PRKG1: variants seen among roughly 807,000 people sequenced by gnomAD.
The protein encoded by PRKG1 is cGMP-dependent protein kinase 1.
In PRKG1, 35 loss-of-function variants were observed where a neutral mutation model predicts 88.1. The ratio of observed to expected loss-of-function variants is 0.40; its 90% CI spans 0.30 to 0.53. The LOEUF (loss-of-function observed/expected upper bound fraction) is 0.53, where lower values mean the gene tolerates loss of function less well. Ranked by LOEUF, PRKG1 falls within the 20% of genes least tolerant of loss-of-function variation. The pLI is 0.59. For missense variants in PRKG1, 540 were observed against 839.8 expected, an observed-to-expected ratio of 0.64 and a Z score of 4.41; for synonymous variants, 303 against 292.5, an observed-to-expected ratio of 1.04 and a Z score of -0.37.
intron 1 of PRKG1, among the ~76,000 whole-genome samples, 189 bp from the exon 2 acceptor site, chr10:51,152,975 C>A (rs1168330167): frequency 7.6e-6 from 1 of 131,276 alleles, no homozygotes. Flanking sequence ...ATTCTTAGTG[C>A]CTTTTTTTTT....
intron 4 of PRKG1, among the ~76,000 whole-genome samples, chr10:51,872,861 G>A (rs548873843): frequency 2.0e-5 from 3 of 151,974 alleles, no homozygotes; most frequent in African/African-American, 4.8e-5. Context: ...ATTTCATAGG[G>A]TACCTATTTT....
chr10:51,016,673 C>CTTTTTTTTTTTTTTTTTTTTTT (rs71029341), intron 1 of PRKG1, among the ~76,000 whole-genome samples: 648 of 35,138 alleles, frequency 0.018, 194 homozygotes, highest in Middle Eastern at 0.048. Flanking sequence ...ATTATCCTTT[C>CTTTTTTTTTTTTTTTTTTTTTT]TTTTTTTTTT....
chr10:51,677,468 AT>A (rs1349040160), intron 3 of PRKG1, among the ~76,000 whole-genome samples: 3 of 152,124 alleles, frequency 2.0e-5, no homozygotes, highest in Non-Finnish European at 4.4e-5. Flanking sequence ...AAAGTTTGGG[AT>A]TTCTATTGTC....
intron 3 of PRKG1, among the ~76,000 whole-genome samples, chr10:51,529,676 GAC>G (rs371364810): frequency 2.0e-5 from 3 of 147,064 alleles, no homozygotes; most frequent in Non-Finnish European, 3.0e-5. Flanking sequence ...TAGCAATACA[GAC>G]ACACACACAC....
intron 3 of PRKG1, among the ~76,000 whole-genome samples, chr10:51,722,228 CAA>C (rs58364400): frequency 6.0e-5 from 8 of 133,634 alleles, no homozygotes; most frequent in Non-Finnish European, 3.2e-5. Context: ...GACTCTATCT[CAA>C]AAAAAAAAAA....
At chr10:52,138,552 A>G (rs1837490544) in intron 8 of PRKG1, among the ~76,000 whole-genome samples, 1 of 152,014 alleles carries the variant, frequency 6.6e-6, no homozygotes, top group Non-Finnish European at 1.5e-5. Flanking sequence ...GGACCCTAGA[A>G]GACACTAAGA....
chr10:52,013,273 G>T (rs12219323), intron 5 of PRKG1, among the ~76,000 whole-genome samples: 37,961 of 152,012 alleles, frequency 0.25, 5,122 homozygotes, highest in Admixed American at 0.31. Context: ...AAAAAAATTT[G>T]CCAGGCGTGG....
At chr10:51,799,571 T>C (rs1200628033) in intron 3 of PRKG1, among the ~76,000 whole-genome samples, 1 of 151,764 alleles carries the variant, frequency 6.6e-6, no homozygotes, top group African/African-American at 2.4e-5. Flanking sequence ...GAGCTCAGTA[T>C]TGACACTTTA....
rs1564428534 is a variant in PRKG1 at position 52,012,144 on chromosome 10, GT to G, written c.763-42339del. Among the ~76,000 whole-genome samples the G allele has an allele frequency of 3.3e-5, 5 of 152,122 alleles. No homozygotes were observed. The East Asian group carries it at 5.8e-4, about 18-fold the overall frequency. On this transcript the variant is annotated intron_variant, in intron 5 of 17. Coordinates refer to ENST00000373980, the MANE Select transcript of PRKG1 (RefSeq NM_006258.4). ...AAATTCCACATAGTTGTCTAGTTTA[GT>G]GATATTCTATTTTTACTCTCCCTTT...
intron 4 of PRKG1, among the ~76,000 whole-genome samples, chr10:51,806,951 G>A (rs183843475): frequency 2.4e-4 from 36 of 152,232 alleles, no homozygotes; most frequent in Non-Finnish European, 4.4e-4. Context: ...CCAACTAAAA[G>A]CTGCCTTTCC....
intron 1 of PRKG1, among the ~76,000 whole-genome samples, chr10:51,006,593 G>A (rs1007183831): frequency 6.6e-5 from 10 of 152,144 alleles, no homozygotes; most frequent in African/African-American, 1.7e-4. Context: ...CCCTATTTTC[G>A]GAGTAATTTC....
intron 2 of PRKG1, among the ~76,000 whole-genome samples, chr10:51,360,177 G>A (rs1364386241): frequency 6.6e-6 from 1 of 151,914 alleles, no homozygotes; most frequent in African/African-American, 2.4e-5. Context: ...TATAGGAGGT[G>A]TTAAGGAATC....
rs1165299840 is a variant in PRKG1 at position 52,077,566 on chromosome 10, G to C, written c.935+14935G>C. ...ATGTCTGCAAATGCCAAAAGTTTTC[G>C]AGTTGTACATTTTAAATGTGCAGCT... is the stretch of plus-strand genomic sequence containing the variant. On this transcript the variant is annotated intron_variant, in intron 7 of 17. Transcript: ENST00000373980. Among the ~76,000 whole-genome samples, 3 of 152,142 alleles carry C rather than the reference G, an allele frequency of 2.0e-5. No homozygotes were observed. The South Asian group carries it at 6.2e-4, about 32-fold the overall frequency.
At chr10:51,373,789 G>C (rs376174483) in intron 2 of PRKG1, among the ~76,000 whole-genome samples, 4 of 151,966 alleles carry the variant, frequency 2.6e-5, no homozygotes, top group Non-Finnish European at 5.9e-5. Context: ...GCAAACTAAC[G>C]CAGGTGTTTC....
intron 8 of PRKG1, among the ~76,000 whole-genome samples, chr10:52,146,635 G>C (rs946027934): frequency 6.6e-6 from 1 of 152,108 alleles, no homozygotes; most frequent in Non-Finnish European, 1.5e-5. Context: ...TTACCACGTT[G>C]CATTAGCAAT....
At position 52,023,250 on chromosome 10, in the gene PRKG1, C is replaced by CT. The variant is rs1158038299; in HGVS notation, c.763-31228dup. Among the ~76,000 whole-genome samples, 14 of 152,212 alleles carry CT rather than the reference C, an allele frequency of 9.2e-5. 1 individual carries two copies. The highest frequency in any genetic ancestry group is 3.1e-4 in the African/African-American group (13 of 41,540). ...TCCCTGCAAAGGACATGAACTCATC[C>CT]TTTTTTATGGCTGCATAGTATTCCA... is the stretch of plus-strand genomic sequence containing the variant. On this transcript the variant is annotated intron_variant, in intron 5 of 17. Transcript: ENST00000373980.
intron 7 of PRKG1, among the ~76,000 whole-genome samples, chr10:52,126,535 G>A (rs1176067474): frequency 6.6e-6 from 1 of 151,900 alleles, no homozygotes; most frequent in Non-Finnish European, 1.5e-5. Flanking sequence ...TTGTAGAGTT[G>A]GGGTGTTGCT....
chr10:51,355,389 C>A (rs1366259961), intron 2 of PRKG1, among the ~76,000 whole-genome samples: 1 of 152,000 alleles, frequency 6.6e-6, no homozygotes, highest in Non-Finnish European at 1.5e-5. Context: ...ATCACATATA[C>A]GGTGACTTGT....
chr10:51,996,950 A>C (rs920672113), intron 5 of PRKG1, among the ~76,000 whole-genome samples: 1 of 152,202 alleles, frequency 6.6e-6, no homozygotes, highest in Non-Finnish European at 1.5e-5. Flanking sequence ...GCCATAAAAA[A>C]GGAGAAATTC....
Sources: allele counts gnomAD v4.1 joint callset (sites outside exome capture counted in the v4.1 genomes callset), GRCh38; gene constraint gnomAD v4.1.1; transcripts MANE v1.5; gene names NCBI Gene and HGNC (gene_info 2026-07-23, HGNC 2026-07-21).